The following COL5A2 variants were observed in gnomAD, a reference collection of about 807,000 sequenced individuals.
The protein encoded by COL5A2 is collagen type V alpha 2 chain.
In COL5A2, 23 loss-of-function variants were observed where a neutral mutation model predicts 208.2. The ratio of observed to expected loss-of-function variants is 0.11; its 90% CI spans 0.08 to 0.16. COL5A2 has a LOEUF of 0.16. Ranked by LOEUF, COL5A2 falls within the 10% of genes least tolerant of loss-of-function variation. The pLI is 1.00. For synonymous variants in COL5A2, 625 were observed against 628.5 expected, an observed-to-expected ratio of 0.99 and a Z score of 0.08; for missense variants, 1,590 against 1,956.4, an observed-to-expected ratio of 0.81 and a Z score of 3.53.
Position 189,092,353 on chromosome 2 carries a change from G to C in COL5A2, c.524C>G (p.Pro175Arg). The C allele has an allele frequency of 6.2e-7, 1 of 1,610,022 alleles. No individual in the cohort carries two copies. Among genetic ancestry groups the C allele is most frequent in the Non-Finnish European group, 8.5e-7 (1 of 1,178,094 alleles). ...GVPGQPGAPG[P>R]PGHPSHPGPD... ...TCCTGGGTGGGACGGATGTCCAGGAGGTCCTGGAGCACCAGGTTGACCAGG... is the reference window on the plus strand; with the variant it reads ...TCCTGGGTGGGACGGATGTCCAGGACGTCCTGGAGCACCAGGTTGACCAGG... The change falls in exon 7 of 54, where the codon CCT becomes CGT. Residue 175 changes from proline (P) to arginine (R), a missense_variant. By Grantham distance (103) the Pro-to-Arg change is moderately radical. Coordinates refer to ENST00000374866, the MANE Select transcript of COL5A2 (RefSeq NM_000393.5).
At chr2:189,150,278 T>C (rs1192110770) in intron 1 of COL5A2, among the ~76,000 whole-genome samples, 1 of 152,156 alleles carries the variant, frequency 6.6e-6, no homozygotes, top group African/African-American at 2.4e-5. Context: ...TTAACAGGCA[T>C]TAAATTATAT....
chr2:189,057,199 A>T (rs570714083), intron 34 of COL5A2, 121 bp downstream of exon 34: 1 of 1,036,024 alleles, frequency 9.7e-7, no homozygotes, highest in Non-Finnish European at 1.5e-6. Context: ...AGAAGAATGA[A>T]AAATGAATGA....
At chr2:189,183,783 G>A (rs1688812768), upstream of COL5A2, among the ~76,000 whole-genome samples, 1 of 152,024 alleles carries the variant, frequency 6.6e-6, no homozygotes, top group Non-Finnish European at 1.5e-5. Flanking sequence ...ATGAGTTTAA[G>A]ATAATAATAA....
the COL5A2 span, among the ~76,000 whole-genome samples, chr2:189,403,067 G>C: frequency 6.6e-6 from 1 of 152,104 alleles, no homozygotes; most frequent in Non-Finnish European, 1.5e-5. Context: ...CCATTTGCTT[G>C]TGTCATCTCT....
At chr2:189,066,603 A>T in intron 22 of COL5A2, 106 bp from the exon 23 acceptor site, 1 of 1,355,320 alleles carries the variant, frequency 7.4e-7, no homozygotes, top group Non-Finnish European at 1.1e-6. Flanking sequence ...AGTATATGGA[A>T]CAATGAGATA....
At chr2:189,126,508 A>G (rs1192892909) in intron 1 of COL5A2, among the ~76,000 whole-genome samples, 1 of 152,106 alleles carries the variant, frequency 6.6e-6, no homozygotes, top group East Asian at 1.9e-4. Context: ...GAGCACATCA[A>G]GTGGAACATT....
At chr2:189,325,826 G>A in the COL5A2 span, among the ~76,000 whole-genome samples, 10 of 152,316 alleles carry the variant, frequency 6.6e-5, no homozygotes, top group East Asian at 1.3e-3. Context: ...GCCAGGCGCA[G>A]TGGCTCACAC....
intron 1 of COL5A2, among the ~76,000 whole-genome samples, chr2:189,204,646 C>T (rs1689121335): frequency 6.6e-6 from 1 of 152,164 alleles, no homozygotes; most frequent in African/African-American, 2.4e-5. Context: ...CTTTAGATTT[C>T]TGTCCTAATA....
At chr2:189,359,866 T>C in the COL5A2 span, among the ~76,000 whole-genome samples, 78 of 152,184 alleles carry the variant, frequency 5.1e-4, 1 homozygote, top group African/African-American at 1.8e-3. Context: ...ATAGTTACCA[T>C]AGTAGTCTCT....
At chr2:189,053,502 A>G (rs775123342) in intron 37 of COL5A2, 25 bp from the exon 38 acceptor site, 2 of 1,590,354 alleles carry the variant, frequency 1.3e-6, no homozygotes, top group South Asian at 2.2e-5. Context: ...AGATTACTGT[A>G]GCTTTCACAC....
chr2:189,302,862 T>C, the COL5A2 span, among the ~76,000 whole-genome samples: 9 of 152,134 alleles, frequency 5.9e-5, no homozygotes, highest in African/African-American at 2.2e-4. Context: ...CTCAAGGAAC[T>C]CTTACTTTAC....
the COL5A2 span, among the ~76,000 whole-genome samples, chr2:189,233,517 A>T: frequency 6.2e-4 from 94 of 151,880 alleles, no homozygotes; most frequent in Admixed American, 3.1e-3. Flanking sequence ...TAGGATCGTT[A>T]AATACAACTT....
chr2:189,242,677 G>C, the COL5A2 span, among the ~76,000 whole-genome samples: 7 of 152,162 alleles, frequency 4.6e-5, no homozygotes, highest in Admixed American at 1.3e-4. Flanking sequence ...AAAATGTTAA[G>C]TTACCACATG....
At chr2:189,181,344 C>T (rs1041617118), upstream of COL5A2, among the ~76,000 whole-genome samples, 6 of 152,148 alleles carry the variant, frequency 3.9e-5, no homozygotes, top group Admixed American at 3.9e-4. Context: ...ACTTCTGTCA[C>T]CACCACACTG....
chr2:189,351,513 CAAGATG>C, the COL5A2 span, among the ~76,000 whole-genome samples: 1 of 151,984 alleles, frequency 6.6e-6, no homozygotes, highest in Non-Finnish European at 1.5e-5. Flanking sequence ...GGGTAAAAAA[CAAGATG>C]AAGAACTAGG....
At chr2:189,196,654 T>C (rs960584072) in intron 1 of COL5A2, among the ~76,000 whole-genome samples, 7 of 152,060 alleles carry the variant, frequency 4.6e-5, no homozygotes, top group African/African-American at 1.4e-4. Context: ...AGTAATTCAC[T>C]TAGCAGCTTC....
At chr2:189,203,560 A>G (rs1243110886) in intron 1 of COL5A2, among the ~76,000 whole-genome samples, 1 of 152,242 alleles carries the variant, frequency 6.6e-6, no homozygotes, top group Non-Finnish European at 1.5e-5. Context: ...TGTCATCTGT[A>G]CTAAGCACTT....
At chr2:189,425,675 T>C in the COL5A2 span, among the ~76,000 whole-genome samples, 1 of 152,192 alleles carries the variant, frequency 6.6e-6, no homozygotes, top group Non-Finnish European at 1.5e-5. Flanking sequence ...TCCCCAGTGC[T>C]GATTGTGGGG....
chr2:189,242,896 G>A, the COL5A2 span, among the ~76,000 whole-genome samples: 1 of 152,124 alleles, frequency 6.6e-6, no homozygotes. Context: ...GGGCAGCCTA[G>A]CCAGTCCAAT....
Sources: allele counts gnomAD v4.1 joint callset (sites outside exome capture counted in the v4.1 genomes callset), GRCh38; gene constraint gnomAD v4.1.1; transcripts MANE v1.5; gene names NCBI Gene and HGNC (gene_info 2026-07-23, HGNC 2026-07-21).